The following SNF8 variants were observed in gnomAD, a reference collection of about 807,000 sequenced individuals.
SNF8 encodes SNF8 subunit of ESCRT-II, also known as vacuolar-sorting protein SNF8.
SNF8 carries 19 observed loss-of-function variants against 36.8 expected under a neutral mutation model. The observed-to-expected ratio is 0.52, with a 90% CI of 0.36 to 0.76. The LOEUF (loss-of-function observed/expected upper bound fraction) is 0.76, where lower values mean the gene tolerates loss of function less well. Among genes scored for constraint, SNF8 ranks in the 30% least tolerant of loss-of-function variants. The probability of loss-of-function intolerance (pLI) is 0.00; values close to 1 mark genes in which losing one functional copy is unlikely to be tolerated. For missense variants in SNF8, 268 were observed against 322.9 expected (o/e 0.83, Z 1.30); for synonymous variants, 127 against 127.4 (o/e 1.00, Z 0.02).
intron 2 of SNF8, among the ~76,000 whole-genome samples, chr17:48,942,353 A>G (rs2041042508): frequency 6.6e-6 from 1 of 151,608 alleles, no homozygotes; most frequent in Non-Finnish European, 1.5e-5. Context: ...AAAAAAAAAA[A>G]GAAACCTCCA....
At position 48,929,776 on chromosome 17, in the gene SNF8, T is replaced by C. The variant is rs1265903442; in HGVS notation, c.*699A>G. The C allele has an allele frequency of 6.6e-6, 1 of 152,184 alleles. No homozygotes were observed. Among genetic ancestry groups the C allele is most frequent in the African/African-American group, 2.4e-5 (1 of 41,454 alleles). 9.4% of individuals were successfully genotyped at this position (152,184 alleles called of 1,614,324 possible). On this transcript the variant is annotated 3_prime_UTR_variant, in exon 8 of 8. Coordinates refer to ENST00000502492, the MANE Select transcript of SNF8 (RefSeq NM_007241.4). ...GGCTGCCTACTTGGTGAAATTTAAGTGAGCTGTATGTAAAATGGCACAGGG... is the reference window on the plus strand; with the variant it reads ...GGCTGCCTACTTGGTGAAATTTAAGCGAGCTGTATGTAAAATGGCACAGGG...
At position 48,939,341 on chromosome 17, in the gene SNF8, G is replaced by C. The variant is rs183927561; in HGVS notation, c.244+1583C>G. 2.6e-3 allele frequency among the ~76,000 whole-genome samples: 395 copies of C among 151,902 alleles called. 3 individuals are homozygous for C. Among genetic ancestry groups the C allele is most frequent in the Non-Finnish European group, 4.4e-3 (301 of 67,974 alleles). ...TAGTCCCAGCTCCACTTGGGAGGTT[G>C]AGGCAGGAAAGTAACTTGAGCCCTG... On this transcript the variant is annotated intron_variant, in intron 3 of 7. Coordinates refer to ENST00000502492, the MANE Select transcript of SNF8 (RefSeq NM_007241.4).
chr17:48,930,618 G>T lies in SNF8; in HGVS notation c.640-6C>A. ...CCTTCCTTCAGCAGGTGTTCCTGGA[G>T]GGAAAAGGGAAGAAGAGCAGTTTGA... On this transcript the variant is annotated splice_region_variant and splice_polypyrimidine_tract_variant and intron_variant, in intron 7 of 7. Transcript: ENST00000502492. 1 of 1,612,572 alleles carries T rather than the reference G, an allele frequency of 6.2e-7. No homozygotes were observed. The highest frequency in any genetic ancestry group is 1.1e-5 in the South Asian group (1 of 90,978).
In SNF8 at chr17:48,929,460, T is replaced by G. The variant is rs2040824139; in HGVS notation, c.*1015A>C. ...GTACTAAACTAGCACTTTTAGGATC[T>G]TAGCCTTTAGACCATAAGGACTTTG... On this transcript the variant is annotated 3_prime_UTR_variant, in exon 8 of 8. Coordinates refer to ENST00000502492, the MANE Select transcript of SNF8 (RefSeq NM_007241.4). 6.6e-6 allele frequency: 1 copy of G among 152,212 alleles called. No homozygotes were observed. Among genetic ancestry groups the G allele is most frequent in the Admixed American group, 6.5e-5 (1 of 15,272 alleles). 9.4% of individuals were successfully genotyped at this position (152,212 alleles called of 1,614,324 possible). A position where few individuals can be genotyped will look rare whatever the true frequency, so the allele number is the denominator to read the frequency against.
Position 48,934,392 on chromosome 17 carries a change from C to T in SNF8, c.423-1046G>A, listed in dbSNP as rs538629949. 3.2e-5 allele frequency: 5 copies of T among 155,514 alleles called. No individual in the cohort carries two copies. In the South Asian group the frequency reaches 7.9e-4, roughly 25 times the overall value. 9.6% of individuals were successfully genotyped at this position (155,514 alleles called of 1,614,324 possible). On this transcript the variant is annotated intron_variant, in intron 5 of 7. Transcript: ENST00000502492. Reference sequence around the variant, plus strand: ...CTGTAATCCCAGCATTTTGGGAGGCCGAGAGTTCGAGACCAGCCTAGCCAA... The same window carrying T: ...CTGTAATCCCAGCATTTTGGGAGGCTGAGAGTTCGAGACCAGCCTAGCCAA...
chr17:48,943,917 C>A lies in SNF8; in HGVS notation c.105+8G>T, dbSNP rs1223496185. 2 of 1,613,918 alleles carry A rather than the reference C, an allele frequency of 1.2e-6. No homozygotes were observed. Among genetic ancestry groups the A allele is most frequent in the Non-Finnish European group, 1.7e-6 (2 of 1,179,842 alleles). On this transcript the variant is annotated splice_region_variant and intron_variant, in intron 2 of 7. Coordinates refer to ENST00000502492, the MANE Select transcript of SNF8 (RefSeq NM_007241.4). ...CCCTCCCTGCCTGGGGCCCCCCAAC[C>A]GACTTACCTGGGCTAGCTGGTCCTC...
At chr17:48,938,159 A>AAAAT (rs1266054279) in intron 3 of SNF8, among the ~76,000 whole-genome samples, 2 of 152,160 alleles carry the variant, frequency 1.3e-5, no homozygotes, top group Non-Finnish European at 2.9e-5. Flanking sequence ...GTAGAAATAA[A>AAAAT]AAATAAATAA....
intron 2 of SNF8, 60 bp downstream of exon 2, chr17:48,943,865 G>A (rs2041065846): frequency 1.9e-5 from 27 of 1,426,458 alleles, no homozygotes; most frequent in Non-Finnish European, 2.5e-5. Context: ...CGTATCCAAG[G>A]TGTCTTGGCC....
intron 2 of SNF8, 24 bp downstream of exon 2, chr17:48,943,901 C>G: frequency 1.9e-6 from 3 of 1,613,186 alleles, no homozygotes; most frequent in East Asian, 2.2e-5. Flanking sequence ...TCCCTCCCTG[C>G]CTGGGGCCCC....
chr17:48,931,040 A>C (rs1445205164), intron 7 of SNF8, among the ~76,000 whole-genome samples: 3 of 152,198 alleles, frequency 2.0e-5, no homozygotes, highest in Non-Finnish European at 4.4e-5. Flanking sequence ...CAGTTCCTAG[A>C]GCTGGAAATA....
chr17:48,931,580 G>A, intron 7 of SNF8, 63 bp downstream of exon 7: 2 of 1,351,542 alleles, frequency 1.5e-6, no homozygotes, highest in Non-Finnish European at 2.1e-6. Context: ...CTGCATTTGT[G>A]GAACCCACAT....
chr17:48,940,911 G>T lies in SNF8; in HGVS notation c.244+13C>A, dbSNP rs1555584292. The T allele has an allele frequency of 6.2e-7, 1 of 1,611,422 alleles. No individual in the cohort carries two copies. Among genetic ancestry groups the T allele is most frequent in the African/African-American group, 1.3e-5 (1 of 74,976 alleles). ...TCTATAAGAACGCTGGACCCCTACA[G>T]ACAACTTCTTACAGGCCAGCGGATC... On this transcript the variant is annotated intron_variant, in intron 3 of 7. Transcript: ENST00000502492.
At chr17:48,940,229 T>C (rs987063939) in intron 3 of SNF8, among the ~76,000 whole-genome samples, 1 of 151,928 alleles carries the variant, frequency 6.6e-6, no homozygotes, top group African/African-American at 2.4e-5. Flanking sequence ...TTTGTAGAGA[T>C]GGAGTCTCGC....
At chr17:48,936,826 G>C in intron 4 of SNF8, 194 bp downstream of exon 4, 1 of 611,780 alleles carries the variant, frequency 1.6e-6, no homozygotes, top group Non-Finnish European at 2.9e-6. Context: ...TTGGAGAACA[G>C]AGACAATCGT....
rs1204693882 is a variant in SNF8, at chr17:48,941,046, T to C, written c.122A>G (p.Asp41Gly). Residue 41 changes from aspartate to glycine, a missense_variant, in exon 3 of 8, where the codon GAC becomes GGC. Transcript: ENST00000502492. ...DQLAQMSKQL[D>G]MFKTNLEEFA... is the part of the protein sequence containing the mutation. ...TTCCTCCAGGTTGGTCTTGAACATGTCCAACTGCTTTGACATCTGTTGGAT... is the reference window on the plus strand; with the variant it reads ...TTCCTCCAGGTTGGTCTTGAACATGCCCAACTGCTTTGACATCTGTTGGAT... 1 of 1,613,896 alleles carries C rather than the reference T, an allele frequency of 6.2e-7. No homozygotes were observed. Among genetic ancestry groups the C allele is most frequent in the African/African-American group, 1.3e-5 (1 of 74,998 alleles).
chr17:48,941,514 C>A (rs1341219194), intron 2 of SNF8, among the ~76,000 whole-genome samples: 1 of 152,038 alleles, frequency 6.6e-6, no homozygotes, highest in Non-Finnish European at 1.5e-5. Flanking sequence ...TTACCCCCCC[C>A]AGCCGACAGA....
chr17:48,930,478 G>A lies in SNF8; in HGVS notation c.774C>T (p.Pro258=), dbSNP rs774837813. Residue 258 remains proline, a synonymous_variant, in exon 8 of 8, where the codon CCC becomes CCT. Coordinates refer to ENST00000502492, the MANE Select transcript of SNF8 (RefSeq NM_007241.4). Reference sequence around the variant, plus strand: ...CTGTGTGCCCTTCCACATGCAGTCAGGGGAGGGCTTCTCTGGCCTCCTCAG... The same window carrying A: ...CTGTGTGCCCTTCCACATGCAGTCAAGGGAGGGCTTCTCTGGCCTCCTCAG... The part of the protein sequence containing the change: ...ITAEEAREAL[P] 1 of 1,603,920 alleles carries A rather than the reference G, an allele frequency of 6.2e-7. No individual in the cohort carries two copies. Among genetic ancestry groups the A allele is most frequent in the Admixed American group, 1.7e-5 (1 of 59,284 alleles).
At chr17:48,933,180 C>T (rs1176923139) in intron 6 of SNF8, 25 bp downstream of exon 6, 2 of 1,611,196 alleles carry the variant, frequency 1.2e-6, no homozygotes, top group East Asian at 2.2e-5. Flanking sequence ...CTTGCACACA[C>T]ACACACTCGA....
In SNF8 at chr17:48,937,044, G is replaced by A. The variant is rs148219925; in HGVS notation, c.325C>T (p.Leu109=). 3.4e-4 allele frequency: 541 copies of A among 1,613,840 alleles called. 1 individual carries two copies. Among genetic ancestry groups the A allele is most frequent in the Non-Finnish European group, 2.3e-4 (267 of 1,179,908 alleles). The change falls in exon 4 of 8, where the codon CTG becomes TTG. Residue 109 remains leucine, a synonymous_variant. Coordinates refer to ENST00000502492, the MANE Select transcript of SNF8 (RefSeq NM_007241.4). ...ELGVQIIEVC[L]ALKHRNGGLI... is the part of the protein sequence containing the mutation. ...CCTCCATTCCGATGCTTCAGCGCCA[G>A]GCACACTTCGATAATTTGGACACCT... is the stretch of plus-strand genomic sequence containing the variant.
Sources: allele counts gnomAD v4.1 joint callset (sites outside exome capture counted in the v4.1 genomes callset), GRCh38; gene constraint gnomAD v4.1.1; transcripts MANE v1.5; gene names NCBI Gene and HGNC (gene_info 2026-07-23, HGNC 2026-07-21).